Variants in PHF20L1 observed in about 807,000 individuals in gnomAD.
PHF20L1 encodes the protein PHD finger protein 20-like protein 1.
Under a neutral mutation model 125.5 loss-of-function variants are expected in PHF20L1, and 44 were observed. The observed-to-expected ratio is 0.35, with a 90% CI of 0.28 to 0.45. The LOEUF (loss-of-function observed/expected upper bound fraction) is 0.45, where lower values mean the gene tolerates loss of function less well. PHF20L1 is among the 20% of genes least tolerant of loss of function. The pLI is 1.00. For synonymous variants in PHF20L1, 380 were observed against 403.1 expected, an observed-to-expected ratio of 0.94 and a Z score of 0.69; for missense variants, 1,012 against 1,217.2, an observed-to-expected ratio of 0.83 and a Z score of 2.51.
intron 17 of PHF20L1, chr8:132,838,382 C>G (rs1837594905): frequency 6.4e-6 from 1 of 155,350 alleles, no homozygotes; most frequent in Admixed American, 6.2e-5. Context: ...CATTGTAGAG[C>G]AGGTGGGGTC....
At chr8:132,839,300 T>G in intron 17 of PHF20L1, 87 bp from the exon 18 acceptor site, 2 of 1,022,144 alleles carry the variant, frequency 2.0e-6, no homozygotes, top group Non-Finnish European at 3.0e-6. Flanking sequence ...CTTGCCTTGC[T>G]TAATGAGCAA....
rs1445815997 is a variant in PHF20L1, at chr8:132,844,287, C to T, written c.2880C>T (p.Ser960=). 6.2e-7 allele frequency: 1 copy of T among 1,611,602 alleles called. No homozygotes were observed. The highest frequency in any genetic ancestry group is 8.5e-7 in the Non-Finnish European group (1 of 1,178,574). Residue 960 remains serine (S), a synonymous_variant, in exon 20 of 21, where the codon AGC becomes AGT. Transcript: ENST00000395386. The part of the protein sequence containing the change: ...HIENVQNEVT[S]RMDLIEKEVD... The stretch of plus-strand genomic sequence containing the variant: ...AAAATGTGCAGAACGAAGTTACCAG[C>T]AGGATGGACCTAATAGAAAAAGAAG...
intron 2 of PHF20L1, among the ~76,000 whole-genome samples, chr8:132,784,086 A>T (rs1045381582): frequency 6.6e-6 from 1 of 152,186 alleles, no homozygotes; most frequent in Non-Finnish European, 1.5e-5. Context: ...CCTTTGAACA[A>T]TGCTAAATAT....
chr8:132,818,626 T>G (rs1015120358), intron 12 of PHF20L1: 1 of 151,938 alleles, frequency 6.6e-6, no homozygotes, highest in African/African-American at 2.4e-5. Context: ...TGTGAATATT[T>G]GTAGATTTTG....
chr8:132,777,517 A>G (rs532945265), intron 1 of PHF20L1, among the ~76,000 whole-genome samples: 3 of 152,332 alleles, frequency 2.0e-5, no homozygotes, highest in South Asian at 2.1e-4. Context: ...ATTTTTAGCT[A>G]TTAACAATTT....
intron 8 of PHF20L1, chr8:132,809,962 G>A (rs1378649073): frequency 6.6e-6 from 1 of 151,994 alleles, no homozygotes; most frequent in Admixed American, 6.6e-5. Context: ...TTTTAACCAA[G>A]TAAATGCCTA....
At chr8:132,798,905 T>C in intron 5 of PHF20L1, 45 bp downstream of exon 5, 2 of 1,314,610 alleles carry the variant, frequency 1.5e-6, no homozygotes, top group Non-Finnish European at 2.2e-6. Flanking sequence ...GTTATCTTCT[T>C]GAACGGTGAC....
intron 9 of PHF20L1, 85 bp downstream of exon 9, chr8:132,811,213 C>G: frequency 6.3e-7 from 1 of 1,582,350 alleles, no homozygotes; most frequent in Non-Finnish European, 8.6e-7. Flanking sequence ...TGAAATTCCC[C>G]TTTTGATCAG....
rs1837388221 is a variant in PHF20L1, at chr8:132,836,627, C to T, written c.1997C>T (p.Thr666Ile). 1.2e-6 allele frequency: 2 copies of T among 1,612,820 alleles called. No homozygotes were observed. Among genetic ancestry groups the T allele is most frequent in the Non-Finnish European group, 8.5e-7 (1 of 1,179,082 alleles). Residue 666 changes from threonine (T) to isoleucine (I), a missense_variant, in exon 16 of 21, where the codon ACC (threonine) becomes ATC (isoleucine). Around this residue, in one of 7 missense-constraint regions of PHF20L1, gnomAD observed 320 missense variants for 293.8 expected, o/e 1.09. Coordinates refer to ENST00000395386, the MANE Select transcript of PHF20L1 (RefSeq NM_016018.5). ...GAATACAATCAGGACTTTGATTCAA[C>T]CAATTTTGAGGAATCTCAGGATGAG... ...GDEYNQDFDSTNFEESQDEDD... is the reference protein window; with the variant it reads ...GDEYNQDFDSINFEESQDEDD...
chr8:132,802,017 T>A (rs1208995675), intron 6 of PHF20L1, among the ~76,000 whole-genome samples: 1 of 151,704 alleles, frequency 6.6e-6, no homozygotes, highest in Non-Finnish European at 1.5e-5. Flanking sequence ...AACCCAGGAT[T>A]AAATGCTCTA....
intron 14 of PHF20L1, among the ~76,000 whole-genome samples, chr8:132,828,858 A>G (rs74711536): frequency 0.018 from 2,687 of 152,208 alleles, 75 homozygotes; most frequent in African/African-American, 0.061. Flanking sequence ...AATTGAAAGC[A>G]TTGCATAGTA....
At chr8:132,794,888 A>C in intron 4 of PHF20L1, 71 bp downstream of exon 4, 1 of 946,942 alleles carries the variant, frequency 1.1e-6, no homozygotes, top group Non-Finnish European at 1.7e-6. Context: ...TTAAATTTTA[A>C]TTAGTGTGTG....
intron 8 of PHF20L1, chr8:132,808,954 A>C (rs28409859): frequency 0.14 from 21,784 of 151,340 alleles, 2,221 homozygotes; most frequent in African/African-American, 0.29. Flanking sequence ...CAAGCAACTC[A>C]CCCAGCTCGG....
rs1837382967 is a variant in PHF20L1 at position 132,836,561 on chromosome 8, T to C, written c.1931T>C (p.Leu644Pro). The part of the protein sequence containing the change: ...SGENLSDVDF[L>P]DDSSTESLLL... ...CTAGACTTATCAGATGTAGACTTCC[T>C]AGATGATTCTTCAACGGAGAGTTTG... The change falls in exon 16 of 21, where the codon CTA (leucine) becomes CCA (proline). Residue 644 changes from leucine (L) to proline (P), a missense_variant. This residue lies in a region of PHF20L1 where 320 missense variants were observed against 293.8 expected (regional missense o/e 1.09). Transcript: ENST00000395386. 6.2e-7 allele frequency: 1 copy of C among 1,609,558 alleles called. No homozygotes were observed. Among genetic ancestry groups the C allele is most frequent in the Non-Finnish European group, 8.5e-7 (1 of 1,176,250 alleles).
intron 8 of PHF20L1, chr8:132,810,476 C>T (rs1284104472): frequency 6.6e-6 from 1 of 152,042 alleles, no homozygotes. Flanking sequence ...AGGAAAGACC[C>T]ACACTTTTTC....
intron 14 of PHF20L1, among the ~76,000 whole-genome samples, chr8:132,831,342 C>T (rs1208438285): frequency 1.4e-5 from 2 of 147,168 alleles, no homozygotes; most frequent in African/African-American, 5.0e-5. Flanking sequence ...AGCCTTCCCA[C>T]ATGCCTGGAA....
intron 4 of PHF20L1, 106 bp from the exon 5 acceptor site, chr8:132,798,666 G>T: frequency 9.4e-5 from 57 of 607,650 alleles, no homozygotes; most frequent in Admixed American, 1.3e-4. Context: ...TGTAGTTTTT[G>T]CATTCCTAAA....
Position 132,845,914 on chromosome 8 carries a change from C to G in PHF20L1, c.3045C>G (p.Cys1015Trp), listed in dbSNP as rs1838390503. 6.2e-7 allele frequency: 1 copy of G among 1,611,282 alleles called. No homozygotes were observed. Among genetic ancestry groups the G allele is most frequent in the Admixed American group, 1.7e-5 (1 of 59,758 alleles). Residue 1015 changes from cysteine to tryptophan, a missense_variant, in exon 21 of 21, where the codon TGC becomes TGG. By Grantham distance (215) the Cys-to-Trp change is radical. Transcript: ENST00000395386. ...AAGTACAGCAGATAGCAACTCTTTG[C>G]TCTGTATGACAACAGTGAACACTTA... ...MGKVQQIATL[C>W]SV is the part of the protein sequence containing the mutation.
chr8:132,816,110 A>C (rs1286095240), intron 10 of PHF20L1: 1 of 151,830 alleles, frequency 6.6e-6, no homozygotes, highest in Non-Finnish European at 1.5e-5. Context: ...ATATATTGGC[A>C]TATATAATCT....
Sources: allele counts gnomAD v4.1 joint callset (sites outside exome capture counted in the v4.1 genomes callset), GRCh38; gene constraint gnomAD v4.1.1; regional missense constraint gnomAD v4.1.1; transcripts MANE v1.5; gene names NCBI Gene and HGNC (gene_info 2026-07-23, HGNC 2026-07-21).